The following GNS variants were observed in gnomAD, a reference collection of about 807,000 sequenced individuals.
GNS encodes N-acetylglucosamine-6-sulfatase.
A neutral mutation model predicts 69.7 loss-of-function variants in GNS; 40 were observed. The ratio of observed to expected loss-of-function variants is 0.57; its 90% CI spans 0.45 to 0.75. The LOEUF (loss-of-function observed/expected upper bound fraction) is 0.75. Ranked by LOEUF, GNS falls within the 30% of genes least tolerant of loss-of-function variation. The pLI is 0.00. For missense variants in GNS, 565 were observed against 685.5 expected, an observed-to-expected ratio of 0.82 and a Z score of 1.96; for synonymous variants, 243 against 251.6, an observed-to-expected ratio of 0.97 and a Z score of 0.32.
At chr12:64,756,665 A>C in intron 1 of GNS, 1 of 1,023,340 alleles carries the variant, frequency 9.8e-7, no homozygotes, top group Non-Finnish European at 1.5e-6. Flanking sequence ...AAATCCTCAT[A>C]CTCTGCTCGG....
intron 6 of GNS, among the ~76,000 whole-genome samples, chr12:64,742,178 G>A (rs753000353): frequency 1.8e-4 from 28 of 152,086 alleles, no homozygotes; most frequent in Admixed American, 1.2e-3. Context: ...CCACCACCAC[G>A]CCCGGCTAAT....
chr12:64,719,128 T>C (rs1044639960), intron 13 of GNS, among the ~76,000 whole-genome samples: 2 of 152,252 alleles, frequency 1.3e-5, no homozygotes, highest in Admixed American at 6.5e-5. Context: ...TGGCACTATA[T>C]ACATTATTTA....
At chr12:64,753,970 C>T (rs560870465) in intron 1 of GNS, among the ~76,000 whole-genome samples, 3 of 152,288 alleles carry the variant, frequency 2.0e-5, no homozygotes, top group South Asian at 2.1e-4. Context: ...ACCTGAGTTA[C>T]TGTGAGGACA....
rs188278601 is a variant in GNS, at chr12:64,750,384, T to C, written c.252+2314A>G. On this transcript the variant is annotated intron_variant, in intron 2 of 13. Transcript: ENST00000258145. ...TATTTTTAAGTATTTTTAGTAGATA[T>C]AGGCTCTTGCCATATTGCCCAGGCT... 4.1e-3 allele frequency among the ~76,000 whole-genome samples: 624 copies of C among 152,034 alleles called. 3 individuals are homozygous for C. The highest frequency in any genetic ancestry group is 0.014 in the African/African-American group (592 of 41,488).
intron 6 of GNS, among the ~76,000 whole-genome samples, chr12:64,742,771 C>A (rs1394351203): frequency 6.6e-6 from 1 of 152,208 alleles, no homozygotes; most frequent in Non-Finnish European, 1.5e-5. Flanking sequence ...CTCTGTGCCA[C>A]CCCTTCTTCC....
rs538753671 is a variant in GNS, at chr12:64,714,748, T to C, written c.*1993A>G. ...GACCTGGTAAGAGTTGGTTTCTTTT[T>C]ATTTGGAAATAACTATGGTCAACTT... On this transcript the variant is annotated 3_prime_UTR_variant, in exon 14 of 14. Coordinates refer to ENST00000258145, the MANE Select transcript of GNS (RefSeq NM_002076.4). The C allele has an allele frequency of 6.6e-6, 1 of 152,240 alleles. No homozygotes were observed. The highest frequency in any genetic ancestry group is 1.5e-5 in the Non-Finnish European group (1 of 68,038). 9.4% of individuals were successfully genotyped at this position (152,240 alleles called of 1,614,324 possible). A position where few individuals can be genotyped will look rare whatever the true frequency, so the allele number is the denominator to read the frequency against.
At chr12:64,744,754 A>C in intron 5 of GNS, 55 bp downstream of exon 5, 1 of 836,202 alleles carries the variant, frequency 1.2e-6, no homozygotes, top group Non-Finnish European at 2.1e-6. Context: ...CAGAGTCTTC[A>C]ATCAAATGTG....
At position 64,754,611 on chromosome 12, in the gene GNS, C is replaced by T. The variant is rs150458343; in HGVS notation, c.193-1854G>A. Among the ~76,000 whole-genome samples the T allele has an allele frequency of 1.1e-3, 174 of 152,028 alleles. 2 individuals carry two copies. The highest frequency in any genetic ancestry group is 0.01 in the Middle Eastern group (3 of 294). Reference sequence around the variant, plus strand: ...CACATAGGAATTTAGACTTTAGGCCCGGTGCAGTGGCTCACACCTGTTATC... The same window carrying T: ...CACATAGGAATTTAGACTTTAGGCCTGGTGCAGTGGCTCACACCTGTTATC... On this transcript the variant is annotated intron_variant, in intron 1 of 13. Coordinates refer to ENST00000258145, the MANE Select transcript of GNS (RefSeq NM_002076.4).
chr12:64,742,676 G>A (rs1464642587), intron 6 of GNS, among the ~76,000 whole-genome samples: 5 of 152,210 alleles, frequency 3.3e-5, no homozygotes, highest in Admixed American at 6.5e-5. Context: ...TAATTGGCAC[G>A]TGAGGCAAAT....
chr12:64,745,529 T>C (rs1869872740), intron 4 of GNS, 130 bp downstream of exon 4: 2 of 760,460 alleles, frequency 2.6e-6, no homozygotes, highest in Non-Finnish European at 4.8e-6. Flanking sequence ...CACAAGTCAA[T>C]AAATTTTAAG....
intron 10 of GNS, among the ~76,000 whole-genome samples, chr12:64,725,334 T>C (rs940842953): frequency 3.9e-5 from 6 of 152,176 alleles, no homozygotes; most frequent in Non-Finnish European, 5.9e-5. Flanking sequence ...TGTATTCTGA[T>C]ATAACTTTAT....
At chr12:64,722,538 T>A (rs921361152) in intron 11 of GNS, among the ~76,000 whole-genome samples, 2 of 152,246 alleles carry the variant, frequency 1.3e-5, no homozygotes, top group African/African-American at 2.4e-5. Context: ...ATCAATCAAC[T>A]CCAAGTGGAA....
At chr12:64,722,970 A>G in intron 11 of GNS, 36 bp downstream of exon 11, 1 of 1,222,896 alleles carries the variant, frequency 8.2e-7, no homozygotes, top group South Asian at 1.2e-5. Flanking sequence ...GTTGTCAGTG[A>G]GAAAGCTGTC....
At chr12:64,727,168 TA>T (rs1437817072) in intron 10 of GNS, among the ~76,000 whole-genome samples, 19 of 151,084 alleles carry the variant, frequency 1.3e-4, no homozygotes, top group African/African-American at 3.9e-4. Flanking sequence ...GGGGGGAGGA[TA>T]TTTTTTTTTT....
At chr12:64,722,259 C>A (rs1232412621) in intron 11 of GNS, among the ~76,000 whole-genome samples, 3 of 152,094 alleles carry the variant, frequency 2.0e-5, no homozygotes, top group Admixed American at 1.3e-4. Flanking sequence ...TTCAGGTGAT[C>A]CACCCGCCTT....
intron 10 of GNS, among the ~76,000 whole-genome samples, chr12:64,728,581 C>T (rs981624941): frequency 6.6e-6 from 1 of 152,140 alleles, no homozygotes; most frequent in African/African-American, 2.4e-5. Context: ...AATCTTTTTG[C>T]GTTTGTTTTA....
intron 1 of GNS, 168 bp from the exon 2 acceptor site, chr12:64,752,925 C>T (rs890104481): frequency 2.7e-5 from 17 of 629,236 alleles, no homozygotes; most frequent in African/African-American, 9.2e-5. Context: ...AGTTTGGTTC[C>T]GGCCAGCTCC....
rs918996312 is a variant in GNS, at chr12:64,715,044, T to C, written c.*1697A>G. ...TAGAAAAGCTACTTTCAGCCATGTC[T>C]TACAAAGTGCTTAAAGCTGGACAGA... On this transcript the variant is annotated 3_prime_UTR_variant, in exon 14 of 14. Coordinates refer to ENST00000258145, the MANE Select transcript of GNS (RefSeq NM_002076.4). The C allele has an allele frequency of 2.6e-5, 4 of 152,666 alleles. No homozygotes were observed. Among genetic ancestry groups the C allele is most frequent in the Admixed American group, 6.5e-5 (1 of 15,280 alleles). The allele number at this position is 152,666 out of a possible 1,614,324, so 9.5% of individuals were successfully genotyped here.
chr12:64,741,941 T>A (rs1373509086), intron 6 of GNS, among the ~76,000 whole-genome samples: 2 of 152,236 alleles, frequency 1.3e-5, no homozygotes, highest in Non-Finnish European at 2.9e-5. Flanking sequence ...TAACTTCTTT[T>A]GGAACACAGA....
Sources: gnomAD v4.1 joint callset for allele counts (sites outside exome capture counted in the v4.1 genomes callset) on GRCh38, gnomAD v4.1.1 for gene constraint, MANE v1.5 for transcripts, NCBI Gene and HGNC (gene_info 2026-07-23, HGNC 2026-07-21) for gene names.